Variants in NAV3 observed in about 807,000 individuals in gnomAD.
NAV3 encodes neuron navigator 3.
Under a neutral mutation model 244.7 loss-of-function variants are expected in NAV3, and 87 were observed. The observed-to-expected ratio is 0.36, with a 90% CI of 0.30 to 0.42. The LOEUF (loss-of-function observed/expected upper bound fraction) is 0.42, where lower values mean the gene tolerates loss of function less well. Ranked by LOEUF, NAV3 falls within the 20% of genes least tolerant of loss-of-function variation. The probability of loss-of-function intolerance (pLI) is 1.00; values close to 1 mark genes in which losing one functional copy is unlikely to be tolerated. For missense variants in NAV3, 2,663 were observed against 2,893.3 expected (o/e 0.92, Z 1.83); for synonymous variants, 1,126 against 1,042.2 (o/e 1.08, Z -1.55).
chr12:77,613,848 A>G (rs534181806), intron 2 of NAV3, among the ~76,000 whole-genome samples: 2 of 152,256 alleles, frequency 1.3e-5, no homozygotes, highest in South Asian at 2.1e-4. Context: ...CCATTTATTT[A>G]ACCACAAACC....
intron 1 of NAV3, among the ~76,000 whole-genome samples, chr12:77,923,221 G>C (rs531704316): frequency 6.6e-6 from 1 of 152,150 alleles, no homozygotes; most frequent in South Asian, 2.1e-4. Context: ...TAAGTCTAAA[G>C]TCAATTTAAG....
intron 1 of NAV3, among the ~76,000 whole-genome samples, chr12:77,862,054 A>C (rs2136343981): frequency 6.6e-6 from 1 of 151,776 alleles, no homozygotes; most frequent in Middle Eastern, 3.4e-3. Flanking sequence ...ATGTTTTCTA[A>C]TTTTTCCAAT....
chr12:77,884,943 T>C (rs1279606128), intron 1 of NAV3, among the ~76,000 whole-genome samples: 2 of 152,158 alleles, frequency 1.3e-5, no homozygotes, highest in Non-Finnish European at 2.9e-5. Flanking sequence ...TCAGAAATAT[T>C]ATGAAAATAT....
At chr12:77,730,425 T>C (rs1300170041) in intron 2 of NAV3, among the ~76,000 whole-genome samples, 1 of 151,582 alleles carries the variant, frequency 6.6e-6, no homozygotes, top group Non-Finnish European at 1.5e-5. Flanking sequence ...GGATTGGAAA[T>C]TAAAAGTGAG....
intron 1 of NAV3, among the ~76,000 whole-genome samples, chr12:77,876,164 G>A (rs1259446922): frequency 2.0e-5 from 3 of 151,954 alleles, no homozygotes; most frequent in African/African-American, 2.4e-5. Flanking sequence ...ATAGTCGATC[G>A]TTTTGGATAT....
intron 3 of NAV3, among the ~76,000 whole-genome samples, chr12:77,949,109 G>A (rs1020034397): frequency 2.4e-4 from 36 of 151,958 alleles, no homozygotes; most frequent in African/African-American, 7.5e-4. Flanking sequence ...CTGAAAAATC[G>A]TATTTCACAC....
At chr12:78,132,268 G>A (rs541640603) in intron 18 of NAV3, among the ~76,000 whole-genome samples, 1 of 152,228 alleles carries the variant, frequency 6.6e-6, no homozygotes, top group South Asian at 2.1e-4. Flanking sequence ...GCTCTCTGTA[G>A]AGCTTTAATG....
intron 8 of NAV3, among the ~76,000 whole-genome samples, chr12:78,012,959 A>C (rs1875562828): frequency 6.6e-6 from 1 of 152,122 alleles, no homozygotes; most frequent in Admixed American, 6.6e-5. Flanking sequence ...TGTTGAATGA[A>C]ACACTATCAT....
chr12:77,839,221 C>T (rs1332895975), intron 1 of NAV3, among the ~76,000 whole-genome samples: 2 of 152,216 alleles, frequency 1.3e-5, no homozygotes, highest in Admixed American at 1.3e-4. Flanking sequence ...AAATCAAATA[C>T]AGTTGAGAAA....
At chr12:78,109,908 C>T (rs895739370) in intron 12 of NAV3, among the ~76,000 whole-genome samples, 1 of 152,014 alleles carries the variant, frequency 6.6e-6, no homozygotes, top group Non-Finnish European at 1.5e-5. Context: ...CAAACTCTCA[C>T]CACTCCTATC....
At chr12:77,576,761 AAAAG>A (rs1869105126) in intron 2 of NAV3, among the ~76,000 whole-genome samples, 2 of 152,266 alleles carry the variant, frequency 1.3e-5, no homozygotes, top group South Asian at 2.1e-4. Context: ...AATCAATAAA[AAAAG>A]AAAGTTTAGT....
chr12:77,910,052 A>G (rs970600007), intron 1 of NAV3, among the ~76,000 whole-genome samples: 5 of 152,164 alleles, frequency 3.3e-5, no homozygotes, highest in Non-Finnish European at 7.4e-5. Context: ...GGCATACTTA[A>G]AATATGTCTC....
intron 2 of NAV3, among the ~76,000 whole-genome samples, chr12:77,577,909 C>T (rs1481640575): frequency 6.6e-6 from 1 of 152,040 alleles, no homozygotes; most frequent in Non-Finnish European, 1.5e-5. Flanking sequence ...AGCAGGCTGC[C>T]TGCTAGTGAG....
intron 24 of NAV3, among the ~76,000 whole-genome samples, chr12:78,171,856 C>T (rs994114834): frequency 4.6e-5 from 7 of 151,664 alleles, no homozygotes; most frequent in Middle Eastern, 3.4e-3. Context: ...GTTTTATAGA[C>T]AGGCCTGACT....
chr12:77,585,088 A>G (rs1464275426), intron 2 of NAV3, among the ~76,000 whole-genome samples: 1 of 152,128 alleles, frequency 6.6e-6, no homozygotes, highest in Non-Finnish European at 1.5e-5. Flanking sequence ...TTGCTGGCAG[A>G]TGGTGCTGGC....
chr12:78,036,713 T>C, intron 9 of NAV3: 1 of 564,910 alleles, frequency 1.8e-6, no homozygotes. Flanking sequence ...AATAATTATA[T>C]ATACTATATC....
At chr12:78,096,715 C>G (rs758737513) in intron 12 of NAV3, among the ~76,000 whole-genome samples, 1 of 152,104 alleles carries the variant, frequency 6.6e-6, no homozygotes, top group Non-Finnish European at 1.5e-5. Flanking sequence ...CCACTGGGAC[C>G]CTCCCACAAC....
intron 2 of NAV3, among the ~76,000 whole-genome samples, chr12:77,761,443 C>T (rs943563121): frequency 6.6e-6 from 1 of 152,180 alleles, no homozygotes. Context: ...CTTAAATTCT[C>T]TTATCATGGA....
At chr12:77,940,957 A>G (rs1233832763) in intron 2 of NAV3, 124 bp from the exon 3 acceptor site, 11 of 651,478 alleles carry the variant, frequency 1.7e-5, no homozygotes, top group Admixed American at 1.2e-4. Flanking sequence ...GGAAGACAGA[A>G]TATATGTAGC....
Sources: allele counts gnomAD v4.1 joint callset (sites outside exome capture counted in the v4.1 genomes callset), GRCh38; gene constraint gnomAD v4.1.1; transcripts MANE v1.5; gene names NCBI Gene and HGNC (gene_info 2026-07-23, HGNC 2026-07-21).